CADM2: variants seen among roughly 807,000 people sequenced by gnomAD.
CADM2 encodes cell adhesion molecule 2.
In CADM2, 12 loss-of-function variants were observed where a neutral mutation model predicts 49.8. The ratio of observed to expected loss-of-function variants is 0.24; its 90% confidence interval spans 0.15 to 0.39. The LOEUF (loss-of-function observed/expected upper bound fraction) is 0.39, where lower values mean the gene tolerates loss of function less well. Among genes scored for constraint, CADM2 ranks in the 10% least tolerant of loss-of-function variants. The pLI, the probability that CADM2 is intolerant of heterozygous loss-of-function variation, is 1.00. For synonymous variants in CADM2, 214 were observed against 175.4 expected, an observed-to-expected ratio of 1.22 and a Z score of -1.74; for missense variants, 378 against 492.3, an observed-to-expected ratio of 0.77 and a Z score of 2.20.
intron 1 of CADM2, among the ~76,000 whole-genome samples, chr3:85,022,844 G>A (rs1300267760): frequency 1.3e-5 from 2 of 151,892 alleles, no homozygotes; most frequent in Admixed American, 6.6e-5. Context: ...TATCTTAATC[G>A]TACATTCAGT....
chr3:85,225,417 T>A (rs2042136273), intron 1 of CADM2, among the ~76,000 whole-genome samples: 1 of 152,168 alleles, frequency 6.6e-6, no homozygotes. Context: ...GTTACTGGTG[T>A]ATAGGAATGC....
chr3:85,700,765 C>T (rs2066728740), intron 1 of CADM2, among the ~76,000 whole-genome samples: 3 of 152,148 alleles, frequency 2.0e-5, no homozygotes, highest in Admixed American at 2.0e-4. Context: ...TTAGTCAAGA[C>T]TTTATTGTCC....
intron 3 of CADM2, among the ~76,000 whole-genome samples, chr3:85,835,992 T>C (rs1004955060): frequency 6.6e-6 from 1 of 151,446 alleles, no homozygotes; most frequent in Non-Finnish European, 1.5e-5. Flanking sequence ...AATATTTCCC[T>C]ATGACTTTCA....
intron 7 of CADM2, among the ~76,000 whole-genome samples, chr3:85,950,020 G>A (rs923452886): frequency 2.0e-5 from 3 of 150,992 alleles, no homozygotes; most frequent in African/African-American, 7.3e-5. Context: ...TCTGAGAAAT[G>A]CACACTCATA....
At chr3:85,640,483 G>A (rs566096716) in intron 1 of CADM2, among the ~76,000 whole-genome samples, 2 of 152,176 alleles carry the variant, frequency 1.3e-5, no homozygotes, top group East Asian at 1.9e-4. Context: ...TCATAATCAC[G>A]TATTCACCAG....
chr3:85,435,030 T>C (rs1243447559), intron 1 of CADM2, among the ~76,000 whole-genome samples: 1 of 152,152 alleles, frequency 6.6e-6, no homozygotes, highest in Non-Finnish European at 1.5e-5. Context: ...TTATTTCATT[T>C]TTTATTATGC....
intron 1 of CADM2, among the ~76,000 whole-genome samples, chr3:85,363,102 G>A (rs2032474945): frequency 6.6e-6 from 1 of 152,074 alleles, no homozygotes; most frequent in Non-Finnish European, 1.5e-5. Context: ...TCATGGAATC[G>A]CCGGGCTACA....
At chr3:85,826,586 A>G (rs1243743963) in intron 3 of CADM2, among the ~76,000 whole-genome samples, 2 of 152,096 alleles carry the variant, frequency 1.3e-5, no homozygotes, top group East Asian at 3.9e-4. Context: ...AGATGAAAAG[A>G]TTCCCCCTAC....
chr3:85,020,646 C>G (rs62250602), intron 1 of CADM2, among the ~76,000 whole-genome samples: 4,567 of 151,978 alleles, frequency 0.03, 105 homozygotes, highest in Non-Finnish European at 0.047. Context: ...TAAAAAATAC[C>G]ATTTTTCAAA....
chr3:85,802,989 A>G (rs1247836896), intron 3 of CADM2, among the ~76,000 whole-genome samples: 5 of 151,990 alleles, frequency 3.3e-5, no homozygotes, highest in Non-Finnish European at 2.9e-5. Flanking sequence ...AAAATTAACT[A>G]TTAGTCTTAA....
At chr3:85,323,414 T>TG (rs2044667107) in intron 1 of CADM2, among the ~76,000 whole-genome samples, 1 of 152,158 alleles carries the variant, frequency 6.6e-6, no homozygotes, top group Non-Finnish European at 1.5e-5. Context: ...ACACTTTTTT[T>TG]GGTTTCATGT....
At chr3:85,678,972 A>G (rs1420449977) in intron 1 of CADM2, among the ~76,000 whole-genome samples, 1 of 152,172 alleles carries the variant, frequency 6.6e-6, no homozygotes, top group African/African-American at 2.4e-5. Flanking sequence ...TTATCTGGCA[A>G]TACATGTCAA....
At chr3:85,393,134 T>C (rs2034602969) in intron 1 of CADM2, among the ~76,000 whole-genome samples, 1 of 149,756 alleles carries the variant, frequency 6.7e-6, no homozygotes, top group African/African-American at 2.4e-5. Flanking sequence ...TAAATGATAG[T>C]TGTAAGAAAG....
intron 1 of CADM2, among the ~76,000 whole-genome samples, chr3:85,343,892 C>A (rs955809490): frequency 6.6e-6 from 1 of 152,138 alleles, no homozygotes; most frequent in Non-Finnish European, 1.5e-5. Flanking sequence ...TTAATTAAAT[C>A]CAATACATAT....
chr3:85,263,506 G>T (rs1229439946), intron 1 of CADM2, among the ~76,000 whole-genome samples: 6 of 151,954 alleles, frequency 3.9e-5, no homozygotes, highest in Non-Finnish European at 7.4e-5. Context: ...CTTTATTTTA[G>T]AGTTGAGAAA....
intron 2 of CADM2, among the ~76,000 whole-genome samples, chr3:85,757,188 G>C (rs182015979): frequency 6.6e-6 from 1 of 152,068 alleles, no homozygotes; most frequent in African/African-American, 2.4e-5. Flanking sequence ...ATGACAACTT[G>C]GAGAAGAAAT....
rs535081254 is a variant in CADM2 at position 86,058,967 on chromosome 3, G to A, written c.971-6638G>A. ...AAATTAGCCTGGCATGGTGATGCAT[G>A]CCTATAATCTCAGCTACTTGGGTGG... On this transcript the variant is annotated intron_variant, in intron 8 of 9. Transcript: ENST00000383699. Among the ~76,000 whole-genome samples the A allele has an allele frequency of 2.4e-3, 363 of 151,826 alleles. 1 individual carries two copies. Among genetic ancestry groups the A allele is most frequent in the African/African-American group, 8.4e-3 (348 of 41,412 alleles).
intron 8 of CADM2, among the ~76,000 whole-genome samples, chr3:86,038,350 G>T (rs935087642): frequency 1.3e-5 from 2 of 152,156 alleles, no homozygotes; most frequent in African/African-American, 4.8e-5. Context: ...GAGAATCCAT[G>T]CCCAAGGAGA....
At chr3:85,658,821 C>T (rs896029497) in intron 1 of CADM2, among the ~76,000 whole-genome samples, 4 of 149,920 alleles carry the variant, frequency 2.7e-5, no homozygotes, top group Non-Finnish European at 4.4e-5. Flanking sequence ...GAGACTGAGG[C>T]AGGAGAATCA....
Sources: allele counts gnomAD v4.1 joint callset (sites outside exome capture counted in the v4.1 genomes callset), GRCh38; gene constraint gnomAD v4.1.1; transcripts MANE v1.5; gene names NCBI Gene and HGNC (gene_info 2026-07-23, HGNC 2026-07-21).